Variants in PLCXD1 observed in about 807,000 individuals in gnomAD.
PLCXD1 encodes the protein phosphatidylinositol specific phospholipase C X domain containing 1.
In PLCXD1, 45 loss-of-function variants were observed where a neutral mutation model predicts 37.8. The observed-to-expected ratio is 1.19, with a 90% CI of 0.94 to 1.53. The LOEUF (loss-of-function observed/expected upper bound fraction) is 1.53. Among genes scored for constraint, PLCXD1 ranks in the 40% most tolerant of loss-of-function variants. The probability of loss-of-function intolerance (pLI) is 0.00; values close to 1 mark genes in which losing one functional copy is unlikely to be tolerated. For missense variants in PLCXD1, 539 were observed against 454.7 expected (o/e 1.19, Z -1.69); for synonymous variants, 246 against 206.9 (o/e 1.19, Z -1.62).
chrX:296,660 T>TCAAC (rs1207739143), intron 6 of PLCXD1, among the ~76,000 whole-genome samples: 5 of 152,214 alleles, frequency 3.3e-5, no homozygotes. Context: ...CTGGTCAACG[T>TCAAC]CAACCCTCTC....
chrX:293,488 A>G (rs1339226681), intron 6 of PLCXD1, among the ~76,000 whole-genome samples: 1 of 151,840 alleles, frequency 6.6e-6, no homozygotes, highest in Non-Finnish European at 1.5e-5. Flanking sequence ...GGCCGGGCGC[A>G]GTGGTTCATG....
intron 3 of PLCXD1, among the ~76,000 whole-genome samples, chrX:289,334 GC>G (rs1292411299): frequency 1.3e-5 from 2 of 151,950 alleles, no homozygotes; most frequent in East Asian, 1.9e-4. Context: ...TGATCTGCCC[GC>G]CCCAGCCTCC....
In PLCXD1 at chrX:293,219, G is replaced by A; in HGVS notation, c.733+1G>A. On this transcript the variant is annotated splice_donor_variant, in intron 6 of 6. Transcript: ENST00000381657. LOFTEE classifies it high-confidence loss of function. ...ACCATGAAGAGCTGCGGCCGCCCAGGTACCAGGTCGCCCCTCGTGGGGGTA... is the reference window on the plus strand; with the variant it reads ...ACCATGAAGAGCTGCGGCCGCCCAGATACCAGGTCGCCCCTCGTGGGGGTA... The A allele has an allele frequency of 1.9e-6, 3 of 1,607,002 alleles. No homozygotes were observed. The African/African-American group carries it at 4.0e-5, about 21-fold the overall frequency.
intron 5 of PLCXD1, among the ~76,000 whole-genome samples, chrX:292,315 C>T (rs7889182): frequency 0.018 from 2,776 of 151,932 alleles, 79 homozygotes; most frequent in African/African-American, 0.062. Flanking sequence ...AACAATTAGC[C>T]GGGCGTGGTG....
At position 289,174 on chromosome X, in the gene PLCXD1, G is replaced by A. The variant is rs182312394; in HGVS notation, c.264+305G>A. ...GTGATCTCGGCTCACTGCAACCTCC[G>A]CTGCCTGGGTTCAAGCGATTCTCCT... On this transcript the variant is annotated intron_variant, in intron 3 of 6. Transcript: ENST00000381657. Among the ~76,000 whole-genome samples the A allele has an allele frequency of 7.9e-3, 1,207 of 152,120 alleles. 15 individuals are homozygous for A. The highest frequency in any genetic ancestry group is 0.025 in the African/African-American group (1,049 of 41,466).
At chrX:288,159 T>C (rs1003535937) in intron 2 of PLCXD1, among the ~76,000 whole-genome samples, 4 of 151,740 alleles carry the variant, frequency 2.6e-5, no homozygotes, top group Non-Finnish European at 1.5e-5. Context: ...AAAGCCAAGA[T>C]GACTTCATCT....
chrX:284,144 CTT>C, intron 1 of PLCXD1, 21 bp from the exon 2 acceptor site: 1 of 1,608,544 alleles, frequency 6.2e-7, no homozygotes. Flanking sequence ...TAAAAAACCT[CTT>C]TTCCTCTTCT....
chrX:279,272 G>GT (rs780595339), upstream of PLCXD1, among the ~76,000 whole-genome samples: 58 of 152,252 alleles, frequency 3.8e-4, no homozygotes, highest in African/African-American at 1.4e-3. Context: ...CTTCTCTGTG[G>GT]TTTTTCCTTG....
rs758478907 is a variant in PLCXD1, at chrX:299,917, G to A, written c.*582G>A. 2.5e-4 allele frequency: 39 copies of A among 154,866 alleles called. 1 individual carries two copies. In the South Asian group the frequency reaches 3.7e-3, roughly 15 times the overall value. The allele number at this position is 154,866 out of a possible 1,614,324, so 9.6% of individuals were successfully genotyped here. A position where few individuals can be genotyped will look rare whatever the true frequency, so the allele number is the denominator to read the frequency against. On this transcript the variant is annotated 3_prime_UTR_variant, in exon 7 of 7. Coordinates refer to ENST00000381657, the MANE Select transcript of PLCXD1 (RefSeq NM_018390.4). The stretch of plus-strand genomic sequence containing the variant: ...AAAAACACAAAAACTACCTGGGTGC[G>A]TGATGGGCACCTGTAGTGCCAGCTA...
chrX:284,563 C>T (rs2069383537), intron 2 of PLCXD1, among the ~76,000 whole-genome samples: 1 of 147,724 alleles, frequency 6.8e-6, no homozygotes, highest in Non-Finnish European at 1.5e-5. Flanking sequence ...CACACATGTG[C>T]ACACATACAC....
intron 3 of PLCXD1, among the ~76,000 whole-genome samples, 192 bp downstream of exon 3, chrX:289,061 G>A (rs759015120): frequency 6.6e-6 from 1 of 152,274 alleles, no homozygotes; most frequent in Admixed American, 6.5e-5. Flanking sequence ...CCCCTCCCCA[G>A]AGGTGGAAGA....
At position 295,156 on chromosome X, in the gene PLCXD1, G is replaced by A. The variant is rs762194254; in HGVS notation, c.733+1938G>A. Among the ~76,000 whole-genome samples, 97 of 151,240 alleles carry A rather than the reference G, an allele frequency of 6.4e-4. 1 individual carries two copies. The highest frequency in any genetic ancestry group is 2.1e-3 in the African/African-American group (87 of 41,078). ...AGCACTCCAGCCTGGGCAACAGAGC[G>A]AGACTCCATCTTGGGAAAAAAAAAA... On this transcript the variant is annotated intron_variant, in intron 6 of 6. Coordinates refer to ENST00000381657, the MANE Select transcript of PLCXD1 (RefSeq NM_018390.4).
chrX:287,301 T>C (rs1032086796), intron 2 of PLCXD1, among the ~76,000 whole-genome samples: 11 of 144,860 alleles, frequency 7.6e-5, no homozygotes, highest in African/African-American at 2.7e-4. Flanking sequence ...AAATATATGA[T>C]ACATAAGTAC....
At position 291,084 on chromosome X, in the gene PLCXD1, G is replaced by A. The variant is rs188050412; in HGVS notation, c.393+308G>A. On this transcript the variant is annotated intron_variant, in intron 4 of 6. Transcript: ENST00000381657. ...GCCCGGTCTTTAATGGAAGGGTGACGTCACCTATACACCAGACAGGAGACA... is the reference window on the plus strand; with the variant it reads ...GCCCGGTCTTTAATGGAAGGGTGACATCACCTATACACCAGACAGGAGACA... Among the ~76,000 whole-genome samples the A allele has an allele frequency of 6.4e-3, 968 of 150,662 alleles. 20 individuals carry two copies. The highest frequency in any genetic ancestry group is 0.023 in the African/African-American group (929 of 40,246).
intron 2 of PLCXD1, among the ~76,000 whole-genome samples, chrX:285,153 CACATCCCCACACAT>C (rs2069407051): frequency 6.6e-6 from 1 of 151,714 alleles, no homozygotes; most frequent in South Asian, 2.1e-4. Flanking sequence ...TGCACACATG[CACATCCCCACACAT>C]ATGCACATGG....
At chrX:294,188 A>T (rs2069725822) in intron 6 of PLCXD1, among the ~76,000 whole-genome samples, 1 of 152,186 alleles carries the variant, frequency 6.6e-6, no homozygotes, top group South Asian at 2.1e-4. Flanking sequence ...AAATACAAAA[A>T]TTAGCGGGCA....
At chrX:279,678 G>A (rs2069221120), upstream of PLCXD1, among the ~76,000 whole-genome samples, 1 of 151,852 alleles carries the variant, frequency 6.6e-6, no homozygotes, top group South Asian at 2.1e-4. Flanking sequence ...GGAGGCTGAG[G>A]CAGGCGAATA....
intron 5 of PLCXD1, among the ~76,000 whole-genome samples, chrX:292,227 G>A (rs1333347763): frequency 2.0e-5 from 3 of 151,946 alleles, no homozygotes; most frequent in Non-Finnish European, 4.4e-5. Flanking sequence ...AGGCCGAGGC[G>A]GGCGGATCAT....
Position 285,408 on chromosome X carries a change from A to G in PLCXD1, c.127+1094A>G, listed in dbSNP as rs1232737912. On this transcript the variant is annotated intron_variant, in intron 2 of 6. Coordinates refer to ENST00000381657, the MANE Select transcript of PLCXD1 (RefSeq NM_018390.4). ...TATTTGCACCTATGCACACATATAT[A>G]CACCTGCAGATATACACAGGTGTAG... Among the ~76,000 whole-genome samples, 6 of 152,254 alleles carry G rather than the reference A, an allele frequency of 3.9e-5. No homozygotes were observed. The South Asian group carries it at 1.0e-3, about 26-fold the overall frequency.
Sources: allele counts gnomAD v4.1 joint callset (sites outside exome capture counted in the v4.1 genomes callset), GRCh38; gene constraint gnomAD v4.1.1; transcripts MANE v1.5; gene names NCBI Gene and HGNC (gene_info 2026-07-23, HGNC 2026-07-21).